The following ADGRD1 variants were observed in gnomAD, a reference collection of about 807,000 sequenced individuals.
The protein encoded by ADGRD1 is adhesion G protein-coupled receptor D1, also known as G-protein coupled receptor 133.
In ADGRD1, 77 loss-of-function variants were observed where a neutral mutation model predicts 113.4. That is an observed-to-expected ratio of 0.68 (90% CI 0.57 to 0.82). ADGRD1 has a LOEUF of 0.82. ADGRD1 is among the 40% of genes least tolerant of loss of function. The probability of loss-of-function intolerance (pLI) is 0.00; values close to 1 mark genes in which losing one functional copy is unlikely to be tolerated. For missense variants in ADGRD1, 1,036 were observed against 1,139.1 expected, an observed-to-expected ratio of 0.91 and a Z score of 1.30; for synonymous variants, 474 against 475.0, an observed-to-expected ratio of 1.00 and a Z score of 0.03.
chr12:131,044,836 A>G (rs1882510509), intron 13 of ADGRD1, among the ~76,000 whole-genome samples: 1 of 152,248 alleles, frequency 6.6e-6, no homozygotes, highest in Non-Finnish European at 1.5e-5. Context: ...CTACTTCATT[A>G]AAGGACAAAA....
intron 15 of ADGRD1, among the ~76,000 whole-genome samples, chr12:131,087,756 C>T (rs1360585854): frequency 1.3e-5 from 2 of 152,180 alleles, no homozygotes; most frequent in African/African-American, 4.8e-5. Context: ...AGTGGCCCCT[C>T]TTCTCCTGGC....
Position 130,965,694 on chromosome 12 carries a change from A to G in ADGRD1, c.104-769A>G, listed in dbSNP as rs1870929733. On this transcript the variant is annotated intron_variant, in intron 2 of 24. Coordinates refer to ENST00000261654, the MANE Select transcript of ADGRD1 (RefSeq NM_198827.5). This position sits in a 1 kb window ranked among gnomAD's most constrained non-coding sequence, Gnocchi z 4.8. Reference sequence around the variant, plus strand: ...ACTCAATTATGAGGGTTAGATAGAAACAAAGAAATAATTCATATAGCATTC... The same window carrying G: ...ACTCAATTATGAGGGTTAGATAGAAGCAAAGAAATAATTCATATAGCATTC... 6.6e-6 allele frequency among the ~76,000 whole-genome samples: 1 copy of G among 152,270 alleles called. No individual in the cohort carries two copies. Among genetic ancestry groups the G allele is most frequent in the South Asian group, 2.1e-4 (1 of 4,834 alleles).
intron 13 of ADGRD1, among the ~76,000 whole-genome samples, chr12:131,039,477 G>A (rs765316069): frequency 6.6e-6 from 1 of 152,262 alleles, no homozygotes; most frequent in African/African-American, 2.4e-5. Flanking sequence ...CACGATGGCC[G>A]TGCCTGAGAT....
intron 4 of ADGRD1, among the ~76,000 whole-genome samples, chr12:130,980,243 G>A (rs942717673): frequency 3.5e-5 from 5 of 142,682 alleles, no homozygotes; most frequent in Admixed American, 1.4e-4. Context: ...CAGCTGGGAC[G>A]ACAGGCACCT....
Position 131,050,653 on chromosome 12 carries a change from T to A in ADGRD1, c.1474-26148T>A, listed in dbSNP as rs1283715331. Among the ~76,000 whole-genome samples, 1 of 151,910 alleles carries A rather than the reference T, an allele frequency of 6.6e-6. No individual in the cohort carries two copies. Among genetic ancestry groups the A allele is most frequent in the Non-Finnish European group, 1.5e-5 (1 of 67,982 alleles). On this transcript the variant is annotated intron_variant, in intron 13 of 24. Transcript: ENST00000261654. The surrounding 1 kb of genome is among the most constrained non-coding windows in gnomAD (Gnocchi z 4.8). ...CGACCAGATCCACGAGAACGCATGA[T>A]CGTGGGGACAGTGCCAAGAGGGATG...
In ADGRD1 at chr12:131,136,069, C is replaced by T; in HGVS notation, c.2300C>T (p.Pro767Leu). 6.2e-7 allele frequency: 1 copy of T among 1,614,146 alleles called. No homozygotes were observed. The highest frequency in any genetic ancestry group is 8.5e-7 in the Non-Finnish European group (1 of 1,179,966). Reference sequence around the variant, plus strand: ...GCCAAGGCAGTGGCCGTGCTGCTGCCCATCCTGGGTACCTCGTGGGTCTTT... The same window carrying T: ...GCCAAGGCAGTGGCCGTGCTGCTGCTCATCCTGGGTACCTCGTGGGTCTTT... Reference protein sequence around the residue: ...LTAKAVAVLLPILGTSWVFGV... With the variant: ...LTAKAVAVLLLILGTSWVFGV... The change falls in exon 22 of 25, where the codon CCC becomes CTC. Residue 767 changes from proline to leucine, a missense_variant. Physicochemically the swap from Pro to Leu is moderately conservative, Grantham distance 98 (BLOSUM62 -3). Coordinates refer to ENST00000261654, the MANE Select transcript of ADGRD1 (RefSeq NM_198827.5).
Position 131,003,205 on chromosome 12 carries a change from T to A in ADGRD1, c.1047T>A (p.Ser349Arg). Residue 349 changes from serine to arginine, a missense_variant, in exon 10 of 25, where the codon AGT becomes AGA. By Grantham distance (110) the Ser-to-Arg change is moderately radical. Coordinates refer to ENST00000261654, the MANE Select transcript of ADGRD1 (RefSeq NM_198827.5). This position sits in a 1 kb window ranked among gnomAD's most constrained non-coding sequence, Gnocchi z 4.8. ...TGCAGGACAGCGCCGTGGTACTGAG[T>A]CTCATCGACACTATTGACACCGTCA... ...ALSEDSAVVL[S>R]LIDTIDTVMG... The A allele has an allele frequency of 6.2e-7, 1 of 1,613,716 alleles. No homozygotes were observed. The highest frequency in any genetic ancestry group is 8.5e-7 in the Non-Finnish European group (1 of 1,179,792).
rs114416224 is a variant in ADGRD1 at position 131,135,927 on chromosome 12, C to T, written c.2268-110C>T. 9.9e-4 allele frequency: 1,191 copies of T among 1,202,994 alleles called. 8 individuals are homozygous for T. In the African/African-American group the frequency reaches 0.015, roughly 15 times the overall value. 74.5% of individuals were successfully genotyped at this position (1,202,994 alleles called of 1,614,324 possible). A position where few individuals can be genotyped will look rare whatever the true frequency, so the allele number is the denominator to read the frequency against. ...CAGGGAGGACCCCAGGTCTTGCTCC[C>T]GGCAGGGCGGTGCCTGCACCCATCT... On this transcript the variant is annotated intron_variant, in intron 21 of 24. Transcript: ENST00000261654.
In ADGRD1 at chr12:131,113,044, G is replaced by A. The variant is rs141627317; in HGVS notation, c.2041+4167G>A. Reference sequence around the variant, plus strand: ...AGCCTGGGGAGATACCGTAGCCCTGGACTGGGAGCTGGAGGGAGTGGAGCC... The same window carrying A: ...AGCCTGGGGAGATACCGTAGCCCTGAACTGGGAGCTGGAGGGAGTGGAGCC... On this transcript the variant is annotated intron_variant, in intron 18 of 24. Transcript: ENST00000261654. The surrounding 1 kb of genome is among the most constrained non-coding windows in gnomAD (Gnocchi z 4.9). Among the ~76,000 whole-genome samples the A allele has an allele frequency of 7.9e-5, 12 of 152,286 alleles. No individual in the cohort carries two copies. In the East Asian group the frequency reaches 2.3e-3, roughly 29 times the overall value.
chr12:131,008,350 G>A (rs539486953), intron 12 of ADGRD1, among the ~76,000 whole-genome samples: 10 of 152,330 alleles, frequency 6.6e-5, no homozygotes, highest in East Asian at 1.9e-4. Flanking sequence ...ACTTCCCTCC[G>A]TCTTTGTCTT....
At chr12:131,137,441 T>G (rs919612434) in intron 23 of ADGRD1, among the ~76,000 whole-genome samples, 1 of 152,214 alleles carries the variant, frequency 6.6e-6, no homozygotes, top group African/African-American at 2.4e-5. Context: ...GCTCTGGGCC[T>G]GGCACCTGCC....
intron 13 of ADGRD1, among the ~76,000 whole-genome samples, chr12:131,028,449 T>C (rs7306215): frequency 0.11 from 17,028 of 152,260 alleles, 1,095 homozygotes; most frequent in African/African-American, 0.14. Context: ...TCAACGTCAG[T>C]GCAGTCCGGT....
rs1879431386 is a variant in ADGRD1 at position 131,022,496 on chromosome 12, T to G, written c.1473+8156T>G. On this transcript the variant is annotated intron_variant, in intron 13 of 24. Coordinates refer to ENST00000261654, the MANE Select transcript of ADGRD1 (RefSeq NM_198827.5). The surrounding 1 kb of genome is among the most constrained non-coding windows in gnomAD (Gnocchi z 4.6). ...TTCTGTGATAAGTACAAACCGTGAT[T>G]TATTTATTCAGTTGCTGGTGTTGCT... Among the ~76,000 whole-genome samples, 1 of 152,224 alleles carries G rather than the reference T, an allele frequency of 6.6e-6. No homozygotes were observed. The highest frequency in any genetic ancestry group is 2.1e-4 in the South Asian group (1 of 4,832).
chr12:131,007,660 C>G (rs757951418), intron 12 of ADGRD1, among the ~76,000 whole-genome samples: 2 of 152,224 alleles, frequency 1.3e-5, no homozygotes, highest in African/African-American at 4.8e-5. Context: ...CCCTGCAAAC[C>G]GAGGGCCTGG....
intron 15 of ADGRD1, among the ~76,000 whole-genome samples, chr12:131,094,113 C>A (rs1431296577): frequency 6.6e-6 from 1 of 151,418 alleles, no homozygotes; most frequent in East Asian, 1.9e-4. Context: ...CCCTGAGCAC[C>A]CAGCCTCGGT....
chr12:131,137,052 C>T, intron 23 of ADGRD1, 38 bp downstream of exon 23: 1 of 1,552,216 alleles, frequency 6.4e-7, no homozygotes, highest in South Asian at 1.1e-5. Flanking sequence ...GCAGGTGCAG[C>T]TGGCTTTTCC....
At chr12:131,040,814 C>T (rs988501129) in intron 13 of ADGRD1, among the ~76,000 whole-genome samples, 2 of 152,228 alleles carry the variant, frequency 1.3e-5, no homozygotes, top group East Asian at 1.9e-4. Flanking sequence ...CGGAGCCTGC[C>T]GGGCAGTGGT....
Position 131,022,502 on chromosome 12 carries a change from A to T in ADGRD1, c.1473+8162A>T, listed in dbSNP as rs1713718593. Among the ~76,000 whole-genome samples, 1 of 152,144 alleles carries T rather than the reference A, an allele frequency of 6.6e-6. No homozygotes were observed. The highest frequency in any genetic ancestry group is 2.1e-4 in the South Asian group (1 of 4,822). Reference sequence around the variant, plus strand: ...GATAAGTACAAACCGTGATTTATTTATTCAGTTGCTGGTGTTGCTATGACT... The same window carrying T: ...GATAAGTACAAACCGTGATTTATTTTTTCAGTTGCTGGTGTTGCTATGACT... On this transcript the variant is annotated intron_variant, in intron 13 of 24. Transcript: ENST00000261654. The surrounding 1 kb of genome is among the most constrained non-coding windows in gnomAD (Gnocchi z 4.6).
chr12:131,083,820 C>T lies in ADGRD1; in HGVS notation c.1548-720C>T, dbSNP rs1886250154. On this transcript the variant is annotated intron_variant, in intron 14 of 24. Transcript: ENST00000261654. ...GTAAAACATAAAAAAGCAAGGGTCT[C>T]CTTAGACCTTTACGTCTCATCCTGA... Among the ~76,000 whole-genome samples the T allele has an allele frequency of 2.0e-5, 3 of 152,128 alleles. No homozygotes were observed. In the South Asian group the frequency reaches 6.2e-4, roughly 32 times the overall value.
Sources: allele counts gnomAD v4.1 joint callset (sites outside exome capture counted in the v4.1 genomes callset), GRCh38; gene constraint gnomAD v4.1.1; non-coding constraint Gnocchi (gnomAD v3.1); transcripts MANE v1.5; gene names NCBI Gene and HGNC (gene_info 2026-07-23, HGNC 2026-07-21).